FRS2: variants seen among roughly 807,000 people sequenced by gnomAD.
The protein encoded by FRS2 is FGFR signalling adaptor.
Under a neutral mutation model 43.9 loss-of-function variants are expected in FRS2, and 8 were observed. That is an observed-to-expected ratio of 0.18 (90% CI 0.11 to 0.33). The LOEUF (loss-of-function observed/expected upper bound fraction) is 0.33, where lower values mean the gene tolerates loss of function less well. FRS2 is among the 10% of genes least tolerant of loss of function. FRS2 has a pLI of 1.00. For missense variants in FRS2, 534 were observed against 627.6 expected, an observed-to-expected ratio of 0.85 and a Z score of 1.59; for synonymous variants, 219 against 220.3, an observed-to-expected ratio of 0.99 and a Z score of 0.05.
chr12:69,500,680 T>C (rs1191952094), intron 1 of FRS2, among the ~76,000 whole-genome samples: 2 of 152,204 alleles, frequency 1.3e-5, no homozygotes, highest in Non-Finnish European at 2.9e-5. Flanking sequence ...TAGACTGTCA[T>C]CTTTTTATAT....
At chr12:69,489,687 A>T (rs1469588474) in intron 1 of FRS2, among the ~76,000 whole-genome samples, 2 of 151,852 alleles carry the variant, frequency 1.3e-5, no homozygotes, top group Admixed American at 6.6e-5. Context: ...AAAAAAAAGA[A>T]AATTATTGGT....
chr12:69,494,893 C>A (rs905193038), intron 1 of FRS2, among the ~76,000 whole-genome samples: 1 of 152,264 alleles, frequency 6.6e-6, no homozygotes, highest in African/African-American at 2.4e-5. Flanking sequence ...CCTGTCTCAA[C>A]CTCCCGAGTA....
At chr12:69,481,600 GTTGATACGGTACTTTACAC>G (rs1871350332) in intron 1 of FRS2, among the ~76,000 whole-genome samples, 2 of 152,084 alleles carry the variant, frequency 1.3e-5, no homozygotes, top group South Asian at 4.1e-4. Context: ...GAAATTTAAC[GTTGATACGGTACTTTACAC>G]TTTACATTCC....
rs2135827965 is a variant in FRS2 at position 69,575,770 on chromosome 12, C to T, written c.*815C>T. ...TTGACAACACATTGTTTTCTGGAGGCATTTGTGCCATTAGGTTTCCATTTA... is the reference window on the plus strand; with the variant it reads ...TTGACAACACATTGTTTTCTGGAGGTATTTGTGCCATTAGGTTTCCATTTA... On this transcript the variant is annotated 3_prime_UTR_variant, in exon 9 of 9. Transcript: ENST00000549921. The T allele has an allele frequency of 6.6e-6, 1 of 152,670 alleles. No individual in the cohort carries two copies. Among genetic ancestry groups the T allele is most frequent in the East Asian group, 1.9e-4 (1 of 5,190 alleles). The allele number at this position is 152,670 out of a possible 1,614,324, so 9.5% of individuals were successfully genotyped here.
chr12:69,522,833 A>C (rs1044044580), intron 1 of FRS2, among the ~76,000 whole-genome samples: 1 of 152,066 alleles, frequency 6.6e-6, no homozygotes, highest in African/African-American at 2.4e-5. Context: ...TTCTGCTTTA[A>C]TTTCATTGTT....
chr12:69,570,477 C>A lies in FRS2; in HGVS notation c.213C>A (p.Leu71=). 6.2e-7 allele frequency: 1 copy of A among 1,613,492 alleles called. No individual in the cohort carries two copies. Among genetic ancestry groups the A allele is most frequent in the Admixed American group, 1.7e-5 (1 of 60,022 alleles). Residue 71 remains leucine, a synonymous_variant, in exon 6 of 9, where the codon CTC becomes CTA. Transcript: ENST00000549921. ...CLRRYGYDSN[L]FSFESGRRCQ... ...GACGCTATGGCTATGACTCGAATCTCTTTTCTTTTGAAAGTGGTCGAAGGT... is the reference window on the plus strand; with the variant it reads ...GACGCTATGGCTATGACTCGAATCTATTTTCTTTTGAAAGTGGTCGAAGGT...
intron 2 of FRS2, 82 bp downstream of exon 2, chr12:69,531,042 TAGAC>T (rs1003290195): frequency 2.1e-4 from 32 of 150,932 alleles, no homozygotes; most frequent in African/African-American, 7.3e-4. Flanking sequence ...AAAAATATGG[TAGAC>T]AGGCTGGGCA....
chr12:69,490,228 C>G (rs1475923667), intron 1 of FRS2, among the ~76,000 whole-genome samples: 2 of 152,006 alleles, frequency 1.3e-5, no homozygotes, highest in Non-Finnish European at 2.9e-5. Flanking sequence ...TAGCTGCTAT[C>G]AAATTAATAA....
At chr12:69,538,570 A>C (rs1464954080) in intron 3 of FRS2, among the ~76,000 whole-genome samples, 1 of 149,102 alleles carries the variant, frequency 6.7e-6, no homozygotes, top group Admixed American at 6.6e-5. Flanking sequence ...TGTTTAAGGT[A>C]AGGAGTGTGT....
intron 1 of FRS2, among the ~76,000 whole-genome samples, chr12:69,503,806 C>A (rs995506084): frequency 6.6e-5 from 10 of 152,174 alleles, no homozygotes; most frequent in African/African-American, 2.4e-4. Flanking sequence ...CCCTACATCA[C>A]CCCTGGGGTG....
chr12:69,565,732 G>C (rs1475738955), intron 4 of FRS2, among the ~76,000 whole-genome samples: 1 of 151,986 alleles, frequency 6.6e-6, no homozygotes, highest in East Asian at 1.9e-4. Context: ...AAGTCTTCAG[G>C]GGCAATAACA....
At chr12:69,471,020 A>G (rs1870232076) in intron 1 of FRS2, among the ~76,000 whole-genome samples, 1 of 152,156 alleles carries the variant, frequency 6.6e-6, no homozygotes, top group Non-Finnish European at 1.5e-5. Flanking sequence ...CTGCCTGTAC[A>G]TGCCAGGGAT....
chr12:69,574,300 A>C lies in FRS2; in HGVS notation c.872A>C (p.Asp291Ala). ...ANNTEWDTGY[D>A]SDERRDAPSV... ...AACACAGAATGGGACACTGGCTATGACAGTGATGAACGAAGAGATGCACCC... is the reference window on the plus strand; with the variant it reads ...AACACAGAATGGGACACTGGCTATGCCAGTGATGAACGAAGAGATGCACCC... The change falls in exon 9 of 9, where the codon GAC becomes GCC. Residue 291 changes from aspartate to alanine, a missense_variant. Asp to Ala is a moderately radical substitution (Grantham distance 126). Around this residue, in one of 3 missense-constraint regions of FRS2, gnomAD observed 446 missense variants for 494.2 expected, o/e 0.90. Transcript: ENST00000549921. The C allele has an allele frequency of 1.2e-6, 2 of 1,614,036 alleles. No homozygotes were observed. Among genetic ancestry groups the C allele is most frequent in the Middle Eastern group, 1.7e-4 (1 of 6,058 alleles).
chr12:69,482,872 C>T (rs571565186), intron 1 of FRS2, among the ~76,000 whole-genome samples: 91 of 152,232 alleles, frequency 6.0e-4, no homozygotes, highest in Middle Eastern at 6.8e-3. Flanking sequence ...AAATTACATT[C>T]AATCTAGACT....
At chr12:69,573,535 T>C (rs1444273316) in intron 8 of FRS2, among the ~76,000 whole-genome samples, 1 of 152,180 alleles carries the variant, frequency 6.6e-6, no homozygotes, top group Non-Finnish European at 1.5e-5. Context: ...TAATCTCGGC[T>C]CACTGCAACC....
chr12:69,492,953 CTTTAA>C (rs1031037393), intron 1 of FRS2, among the ~76,000 whole-genome samples: 1 of 152,142 alleles, frequency 6.6e-6, no homozygotes, highest in Middle Eastern at 3.2e-3. Context: ...GTCTATTTTC[CTTTAA>C]TTTAGTTTAA....
chr12:69,543,459 C>T (rs1235272656), intron 3 of FRS2, among the ~76,000 whole-genome samples: 3 of 152,120 alleles, frequency 2.0e-5, no homozygotes, highest in Non-Finnish European at 4.4e-5. Flanking sequence ...AAATCTTTGT[C>T]ACTATGGAGT....
intron 8 of FRS2, 91 bp from the exon 9 acceptor site, chr12:69,573,914 G>A (rs1880969831): frequency 2.6e-6 from 2 of 781,096 alleles, no homozygotes; most frequent in Non-Finnish European, 2.1e-6. Flanking sequence ...ACAGTTAACT[G>A]TTGTCAATAA....
At chr12:69,538,084 G>A (rs552732657) in intron 3 of FRS2, 91 of 152,274 alleles carry the variant, frequency 6.0e-4, no homozygotes, top group African/African-American at 2.1e-3. Context: ...GCAGTCTGCA[G>A]TTTTCTAAGC....
Sources: allele counts gnomAD v4.1 joint callset (sites outside exome capture counted in the v4.1 genomes callset), GRCh38; gene constraint gnomAD v4.1.1; regional missense constraint gnomAD v4.1.1; transcripts MANE v1.5; gene names NCBI Gene and HGNC (gene_info 2026-07-23, HGNC 2026-07-21).